The following IL1F10 variants were observed in gnomAD, a reference collection of about 807,000 sequenced individuals.
IL1F10 encodes interleukin 1 family member 10.
Under a neutral mutation model 13.1 loss-of-function variants are expected in IL1F10, and 13 were observed. The ratio of observed to expected loss-of-function variants is 0.99; its 90% CI spans 0.64 to 1.57. The LOEUF (loss-of-function observed/expected upper bound fraction) is 1.57, where lower values mean the gene tolerates loss of function less well. Among genes scored for constraint, IL1F10 ranks in the 40% most tolerant of loss-of-function variants. IL1F10 has a pLI of 0.00. For synonymous variants in IL1F10, 78 were observed against 68.2 expected (o/e 1.14, Z -0.71); for missense variants, 191 against 184.1 (o/e 1.04, Z -0.22).
intron 2 of IL1F10, 147 bp from the exon 3 acceptor site, chr2:113,074,182 G>A (rs921517903): frequency 6.3e-6 from 4 of 638,460 alleles, no homozygotes; most frequent in Non-Finnish European, 1.2e-5. Flanking sequence ...CCTGCTCTTG[G>A]GAGTGACCAT....
chr2:113,074,373 A>G lies in IL1F10; in HGVS notation c.77A>G (p.Gln26Arg). The G allele has an allele frequency of 6.2e-7, 1 of 1,614,030 alleles. No individual in the cohort carries two copies. The highest frequency in any genetic ancestry group is 8.5e-7 in the Non-Finnish European group (1 of 1,179,880). Residue 26 changes from glutamine to arginine, a missense_variant, in exon 3 of 5, where the codon CAG (glutamine) becomes CGG (arginine). Transcript: ENST00000341010. Reference sequence around the variant, plus strand: ...AAGGCTCTATACACAAGAGATGGCCAGCTGCTGGTGGGAGATCCTGTTGCA... The same window carrying G: ...AAGGCTCTATACACAAGAGATGGCCGGCTGCTGGTGGGAGATCCTGTTGCA... ...DQKALYTRDG[Q>R]LLVGDPVADN...
chr2:113,071,551 A>G (rs1422611384), intron 1 of IL1F10, among the ~76,000 whole-genome samples: 1 of 152,194 alleles, frequency 6.6e-6, no homozygotes, highest in Non-Finnish European at 1.5e-5. Flanking sequence ...TCTAAGTCTC[A>G]AAGTCATACC....
chr2:113,074,473 T>C, intron 3 of IL1F10, 59 bp downstream of exon 3: 1 of 1,357,604 alleles, frequency 7.4e-7, no homozygotes, highest in Non-Finnish European at 1.1e-6. Context: ...CCTTCTCTTC[T>C]TCCCTTTCCT....
intron 1 of IL1F10, among the ~76,000 whole-genome samples, chr2:113,068,341 G>GTT (rs11334338): frequency 0.042 from 5,911 of 140,646 alleles, 333 homozygotes; most frequent in East Asian, 0.22. Context: ...TTTTGTTTTC[G>GTT]TTTTTTTTTT....
intron 1 of IL1F10, 54 bp downstream of exon 1, chr2:113,068,070 T>C (rs1291866228): frequency 2.0e-5 from 3 of 152,164 alleles, no homozygotes; most frequent in East Asian, 1.9e-4. Context: ...TTCTACTCTC[T>C]CCTGTCAATA....
intron 1 of IL1F10, 65 bp downstream of exon 1, chr2:113,068,081 T>A (rs1367885329): frequency 6.6e-6 from 1 of 152,216 alleles, no homozygotes; most frequent in Admixed American, 6.5e-5. Context: ...CCTGTCAATA[T>A]CTCTGGTATG....
In IL1F10 at chr2:113,074,832, G is replaced by A. The variant is rs762713836; in HGVS notation, c.228G>A (p.Gly76=). Residue 76 remains glycine, a synonymous_variant, in exon 4 of 5, where the codon GGG becomes GGA. Coordinates refer to ENST00000341010, the MANE Select transcript of IL1F10 (RefSeq NM_173161.3). ...RCLACVETEE[G]PSLQLEDVNI... ...TGGCATGTGTGGAGACAGAAGAGGG[G>A]CCTTCCCTACAGCTGGAGGTGAGAG... 134 of 1,612,326 alleles carry A rather than the reference G, an allele frequency of 8.3e-5. 1 individual carries two copies. The South Asian group carries it at 1.0e-3, about 13-fold the overall frequency.
intron 2 of IL1F10, among the ~76,000 whole-genome samples, chr2:113,073,221 C>T (rs1212326425): frequency 6.6e-6 from 1 of 152,236 alleles, no homozygotes; most frequent in East Asian, 1.9e-4. Context: ...CTAACACTTA[C>T]TTACATTTCA....
rs183525601 is a variant in IL1F10, at chr2:113,069,151, G to A, written c.-29+1135G>A. Among the ~76,000 whole-genome samples the A allele has an allele frequency of 1.5e-4, 23 of 152,310 alleles. No individual in the cohort carries two copies. The East Asian group carries it at 3.9e-3, about 26-fold the overall frequency. The stretch of plus-strand genomic sequence containing the variant: ...AGAACAATGGGACACCTGTGAGTAC[G>A]TCCACTGAGAAGATAAGAAAGGAAT... On this transcript the variant is annotated intron_variant, in intron 1 of 4. Coordinates refer to ENST00000341010, the MANE Select transcript of IL1F10 (RefSeq NM_173161.3).
In IL1F10 at chr2:113,075,198, G is replaced by A. The variant is rs542845382; in HGVS notation, c.293G>A (p.Arg98His). The change falls in exon 5 of 5, where the codon CGC becomes CAC. Residue 98 changes from arginine to histidine, a missense_variant. By Grantham distance (29) the Arg-to-His change is conservative (BLOSUM62 0). Coordinates refer to ENST00000341010, the MANE Select transcript of IL1F10 (RefSeq NM_173161.3). Reference sequence around the variant, plus strand: ...TACAAAGGTGGTGAAGAGGCCACACGCTTCACCTTCTTCCAGAGCAGCTCA... The same window carrying A: ...TACAAAGGTGGTGAAGAGGCCACACACTTCACCTTCTTCCAGAGCAGCTCA... ...ELYKGGEEAT[R>H]FTFFQSSSGS... 32 of 1,613,598 alleles carry A rather than the reference G, an allele frequency of 2.0e-5. No homozygotes were observed. The highest frequency in any genetic ancestry group is 4.5e-5 in the East Asian group (2 of 44,870).
Position 113,074,428 on chromosome 2 carries a change from G to A in IL1F10, c.118+14G>A. 6.3e-6 allele frequency: 10 copies of A among 1,596,406 alleles called. No homozygotes were observed. The highest frequency in any genetic ancestry group is 7.7e-6 in the Non-Finnish European group (9 of 1,164,372). Reference sequence around the variant, plus strand: ...ACTGCTGTGCAGGTGAGCTTCTGGGGCCTCCACCCCATGCTCCATCTGCCA... The same window carrying A: ...ACTGCTGTGCAGGTGAGCTTCTGGGACCTCCACCCCATGCTCCATCTGCCA... On this transcript the variant is annotated intron_variant, in intron 3 of 4. Transcript: ENST00000341010.
chr2:113,070,178 C>T (rs1384102794), intron 1 of IL1F10, among the ~76,000 whole-genome samples: 1 of 152,024 alleles, frequency 6.6e-6, no homozygotes, highest in Non-Finnish European at 1.5e-5. Context: ...GGAGGGGAAG[C>T]TTTGGGGGTG....
At chr2:113,071,220 A>G (rs1343905022) in intron 1 of IL1F10, among the ~76,000 whole-genome samples, 3 of 152,222 alleles carry the variant, frequency 2.0e-5, no homozygotes, top group African/African-American at 7.2e-5. Flanking sequence ...CACCTAATAT[A>G]TTTTGAAAAT....
Position 113,075,314 on chromosome 2 carries a change from G to C in IL1F10, c.409G>C (p.Glu137Gln). Residue 137 changes from glutamate to glutamine, a missense_variant, in exon 5 of 5, where the codon GAG becomes CAG. Glu to Gln is a conservative substitution (Grantham distance 29). Coordinates refer to ENST00000341010, the MANE Select transcript of IL1F10 (RefSeq NM_173161.3). ...EPQQPVQLTK[E>Q]SEPSARTKFY... The stretch of plus-strand genomic sequence containing the variant: ...CCAGCAGCCAGTACAGCTCACCAAG[G>C]AGAGTGAGCCCTCAGCCCGTACCAA... 1.2e-6 allele frequency: 2 copies of C among 1,603,082 alleles called. No individual in the cohort carries two copies. Among genetic ancestry groups the C allele is most frequent in the Non-Finnish European group, 1.7e-6 (2 of 1,171,078 alleles).
chr2:113,068,330 T>C (rs1158251971), intron 1 of IL1F10, among the ~76,000 whole-genome samples: 14 of 136,584 alleles, frequency 1.0e-4, no homozygotes, highest in Admixed American at 4.6e-4. Context: ...CTTAAGAGAT[T>C]TTTTGTTTTC....
intron 3 of IL1F10, 102 bp downstream of exon 3, chr2:113,074,516 A>T (rs1685899259): frequency 2.7e-6 from 3 of 1,115,764 alleles, no homozygotes; most frequent in Non-Finnish European, 4.1e-6. Flanking sequence ...GCCCCCAGTG[A>T]CAGTGAGAAG....
In IL1F10 at chr2:113,070,807, A is replaced by C. The variant is rs1685821774; in HGVS notation, c.-28-1904A>C. On this transcript the variant is annotated intron_variant, in intron 1 of 4. Coordinates refer to ENST00000341010, the MANE Select transcript of IL1F10 (RefSeq NM_173161.3). ...AATCTGTTATTTTAACAAGAACTGCAGGTGGTTTATATATTTATTAATAAG... is the reference window on the plus strand; with the variant it reads ...AATCTGTTATTTTAACAAGAACTGCCGGTGGTTTATATATTTATTAATAAG... Among the ~76,000 whole-genome samples, 3 of 152,304 alleles carry C rather than the reference A, an allele frequency of 2.0e-5. No individual in the cohort carries two copies. In the East Asian group the frequency reaches 5.8e-4, roughly 29 times the overall value.
intron 2 of IL1F10, among the ~76,000 whole-genome samples, chr2:113,073,751 G>T (rs1022117720): frequency 6.6e-6 from 1 of 152,158 alleles, no homozygotes; most frequent in African/African-American, 2.4e-5. Flanking sequence ...TTGTCCAGAG[G>T]TTCTGCCCTA....
chr2:113,074,225 C>A, intron 2 of IL1F10, 104 bp from the exon 3 acceptor site: 1 of 732,746 alleles, frequency 1.4e-6, no homozygotes, highest in South Asian at 1.6e-5. Flanking sequence ...GAGAGAAAAT[C>A]GCCCAAATGC....
Sources: allele counts gnomAD v4.1 joint callset (sites outside exome capture counted in the v4.1 genomes callset), GRCh38; gene constraint gnomAD v4.1.1; transcripts MANE v1.5; gene names NCBI Gene and HGNC (gene_info 2026-07-23, HGNC 2026-07-21).